PLEKHA5: variants seen among roughly 807,000 people sequenced by gnomAD.
The protein encoded by PLEKHA5 is pleckstrin homology domain-containing family A member 5.
In PLEKHA5, 55 loss-of-function variants were observed where a neutral mutation model predicts 181.9. The ratio of observed to expected loss-of-function variants is 0.30; its 90% confidence interval spans 0.24 to 0.38. PLEKHA5 has a LOEUF of 0.38. PLEKHA5 is among the 10% of genes least tolerant of loss of function. The pLI, the probability that PLEKHA5 is intolerant of heterozygous loss-of-function variation, is 1.00. For synonymous variants in PLEKHA5, 535 were observed against 529.4 expected (o/e 1.01, Z -0.15); for missense variants, 1,432 against 1,549.5 (o/e 0.92, Z 1.27).
chr12:19,294,996 G>A (rs959368520), intron 15 of PLEKHA5, among the ~76,000 whole-genome samples: 1 of 152,160 alleles, frequency 6.6e-6, no homozygotes, highest in African/African-American at 2.4e-5. Context: ...CACTATTACA[G>A]TTTGTTTATG....
chr12:19,246,009 C>T (rs1375361029), intron 3 of PLEKHA5, among the ~76,000 whole-genome samples: 1 of 147,024 alleles, frequency 6.8e-6, no homozygotes, highest in Admixed American at 6.8e-5. Context: ...GACAGAGTCT[C>T]ACTCTGTCGC....
rs371284756 is a variant in PLEKHA5 at position 19,314,828 on chromosome 12, A to G, written c.2052A>G (p.Glu684=). The part of the protein sequence containing the change: ...IYLDHQMKEN[E]PIITMVHTMI... ...ATTTGAAATAGATGAAAGAAAATGAACCTATTATCACCATGGTTCACACAA... is the reference window on the plus strand; with the variant it reads ...ATTTGAAATAGATGAAAGAAAATGAGCCTATTATCACCATGGTTCACACAA... Residue 684 remains glutamate (E), a synonymous_variant, in exon 16 of 32, where the codon GAA becomes GAG. Coordinates refer to ENST00000429027, the MANE Select transcript of PLEKHA5 (RefSeq NM_001256470.2). 4,063 of 1,540,918 alleles carry G rather than the reference A, an allele frequency of 2.6e-3. 36 individuals are homozygous for G. The highest frequency in any genetic ancestry group is 5.4e-3 in the Middle Eastern group (32 of 5,970).
In PLEKHA5 at chr12:19,287,548, G is replaced by C. The variant is rs1592331812; in HGVS notation, c.1855G>C (p.Gly619Arg). 4 of 1,580,718 alleles carry C rather than the reference G, an allele frequency of 2.5e-6. No homozygotes were observed. In the South Asian group the frequency reaches 3.4e-5, roughly 13 times the overall value. ...GTCTGTTAGTCCCCAGAGCCTCCAA[G>C]GGAAAACGGTGAGTAATATCTTTAT... is the stretch of plus-strand genomic sequence containing the variant. ...LQSVSPQSLQ[G>R]KTPEELTLLL... Residue 619 changes from glycine (G) to arginine (R), a missense_variant, in exon 13 of 32, where the codon GGG becomes CGG. Physicochemically the swap from Gly to Arg is moderately radical, Grantham distance 125. Transcript: ENST00000429027.
intron 29 of PLEKHA5, among the ~76,000 whole-genome samples, chr12:19,364,931 AT>A (rs1459740869): frequency 1.3e-5 from 2 of 152,088 alleles, no homozygotes; most frequent in African/African-American, 4.8e-5. Flanking sequence ...AAGTGCTGTG[AT>A]TACAGGCGTG....
intron 24 of PLEKHA5, 94 bp downstream of exon 24, chr12:19,347,276 A>G (rs909459313): frequency 1.8e-6 from 1 of 566,232 alleles, no homozygotes; most frequent in Admixed American, 3.8e-5. Context: ...TTTTTTTATT[A>G]TAACCTTTAT....
chr12:19,235,425 G>T (rs2061267558), intron 3 of PLEKHA5, among the ~76,000 whole-genome samples: 1 of 152,058 alleles, frequency 6.6e-6, no homozygotes. Flanking sequence ...CCCCATTTTG[G>T]GTAAAGGGCA....
intron 3 of PLEKHA5, among the ~76,000 whole-genome samples, chr12:19,211,843 A>C (rs969200419): frequency 6.6e-6 from 1 of 152,184 alleles, no homozygotes; most frequent in East Asian, 1.9e-4. Flanking sequence ...TTTTAAAGTT[A>C]CTTACCTTTT....
chr12:19,276,428 A>C (rs2017208), intron 11 of PLEKHA5, among the ~76,000 whole-genome samples: 131,269 of 152,156 alleles, frequency 0.86, 58,126 homozygotes, highest in Middle Eastern at 0.97. Context: ...AGGTGGCTTG[A>C]GTCTGTAATC....
Position 19,277,651 on chromosome 12 carries a change from A to T in PLEKHA5, c.1313+2668A>T, listed in dbSNP as rs1224436408. Among the ~76,000 whole-genome samples, 6 of 152,206 alleles carry T rather than the reference A, an allele frequency of 3.9e-5. No homozygotes were observed. The East Asian group carries it at 1.2e-3, about 29-fold the overall frequency. On this transcript the variant is annotated intron_variant, in intron 11 of 31. Transcript: ENST00000429027. Reference sequence around the variant, plus strand: ...TCTACATTATGATATAAACTTCATCATAAAAATAGTTGTAGTGTTTTATAA... The same window carrying T: ...TCTACATTATGATATAAACTTCATCTTAAAAATAGTTGTAGTGTTTTATAA...
intron 3 of PLEKHA5, among the ~76,000 whole-genome samples, chr12:19,175,434 T>C (rs571999613): frequency 2.0e-5 from 3 of 152,146 alleles, no homozygotes; most frequent in South Asian, 2.1e-4. Flanking sequence ...TATGTAGCAA[T>C]AGATTTGTAT....
chr12:19,129,747 C>A lies in PLEKHA5; in HGVS notation c.-53C>A. Reference sequence around the variant, plus strand: ...TTCGCTCGCTCGTTCCCTCCTCCCTCGGCAGCCGCGGCGGCAGCAGGAGAA... The same window carrying A: ...TTCGCTCGCTCGTTCCCTCCTCCCTAGGCAGCCGCGGCGGCAGCAGGAGAA... On this transcript the variant is annotated 5_prime_UTR_variant, in exon 1 of 32. Transcript: ENST00000429027. The A allele has an allele frequency of 2.8e-6, 4 of 1,419,810 alleles. No homozygotes were observed. Among genetic ancestry groups the A allele is most frequent in the Non-Finnish European group, 3.9e-6 (4 of 1,020,332 alleles). 88.0% of individuals were successfully genotyped at this position (1,419,810 alleles called of 1,614,324 possible). A position where few individuals can be genotyped will look rare whatever the true frequency, so the allele number is the denominator to read the frequency against.
intron 11 of PLEKHA5, among the ~76,000 whole-genome samples, chr12:19,277,134 A>T (rs1266095803): frequency 6.6e-6 from 1 of 151,150 alleles, no homozygotes; most frequent in African/African-American, 2.4e-5. Context: ...TAGACAGAAA[A>T]GAAGCAGGAA....
intron 3 of PLEKHA5, among the ~76,000 whole-genome samples, chr12:19,197,733 T>TGTGTGTGTGTGTGTGTGTG (rs1565455206): frequency 8.9e-6 from 1 of 112,148 alleles, no homozygotes; most frequent in African/African-American, 4.2e-5. Flanking sequence ...TGTGTGTGTG[T>TGTGTGTGTGTGTGTGTGTG]TTAAGTCGCC....
At chr12:19,259,251 C>A (rs981509222) in intron 6 of PLEKHA5, among the ~76,000 whole-genome samples, 3 of 151,774 alleles carry the variant, frequency 2.0e-5, no homozygotes, top group African/African-American at 4.8e-5. Context: ...ATCTGTAGTC[C>A]CAGCTACTCC....
intron 21 of PLEKHA5, among the ~76,000 whole-genome samples, chr12:19,339,640 G>T (rs568822574): frequency 6.6e-6 from 1 of 151,656 alleles, no homozygotes; most frequent in South Asian, 2.1e-4. Flanking sequence ...TTCTGAAATG[G>T]CTCTAATATT....
At chr12:19,369,346 A>AT (rs201919437) in intron 30 of PLEKHA5, among the ~76,000 whole-genome samples, 31,357 of 150,952 alleles carry the variant, frequency 0.21, 3,261 homozygotes, top group South Asian at 0.29. Flanking sequence ...AAAAAAAAAA[A>AT]ATTTTTAAGT....
chr12:19,213,969 A>T (rs2057456004), intron 3 of PLEKHA5, among the ~76,000 whole-genome samples: 1 of 152,202 alleles, frequency 6.6e-6, no homozygotes, highest in Non-Finnish European at 1.5e-5. Context: ...AATAATAATA[A>T]TTATGATAAT....
At chr12:19,300,861 G>A (rs1334490470) in intron 15 of PLEKHA5, among the ~76,000 whole-genome samples, 1 of 151,886 alleles carries the variant, frequency 6.6e-6, no homozygotes, top group Non-Finnish European at 1.5e-5. Context: ...TTGGACGGGT[G>A]CGGTGGCTCA....
intron 26 of PLEKHA5, among the ~76,000 whole-genome samples, chr12:19,354,357 G>A (rs924413654): frequency 3.4e-5 from 5 of 146,826 alleles, no homozygotes; most frequent in Middle Eastern, 3.4e-3. Context: ...GTTTCACCGT[G>A]TTAGCCAGGA....
Sources: gnomAD v4.1 joint callset for allele counts (sites outside exome capture counted in the v4.1 genomes callset) on GRCh38, gnomAD v4.1.1 for gene constraint, MANE v1.5 for transcripts, NCBI Gene and HGNC (gene_info 2026-07-23, HGNC 2026-07-21) for gene names.